The following PSKH1 variants were observed in gnomAD, a reference collection of about 807,000 sequenced individuals.
PSKH1 encodes protein serine kinase H1, also known as serine/threonine-protein kinase H1.
PSKH1 carries 12 observed loss-of-function variants against 26.7 expected under a neutral mutation model. That is an observed-to-expected ratio of 0.45 (90% CI 0.29 to 0.73). PSKH1 has a LOEUF of 0.73. PSKH1 is among the 30% of genes least tolerant of loss of function. The pLI is 0.11. For missense variants in PSKH1, 431 were observed against 595.2 expected (o/e 0.72, Z 2.87); for synonymous variants, 213 against 234.3 (o/e 0.91, Z 0.83).
rs552522999 is a variant in PSKH1, at chr16:67,929,315, C to T, written c.*1673C>T. 2.0e-5 allele frequency: 3 copies of T among 152,436 alleles called. No individual in the cohort carries two copies. Among genetic ancestry groups the T allele is most frequent in the Non-Finnish European group, 2.9e-5 (2 of 68,184 alleles). 9.4% of individuals were successfully genotyped at this position (152,436 alleles called of 1,614,324 possible). On this transcript the variant is annotated 3_prime_UTR_variant, in exon 3 of 3. Transcript: ENST00000291041. ...CCAGTGGGAAACAAAACTAAAGAGA[C>T]CACTCTGTGCCAAGTCGACTATGCC...
chr16:67,924,604 G>A (rs2058211290), intron 2 of PSKH1, among the ~76,000 whole-genome samples: 1 of 152,216 alleles, frequency 6.6e-6, no homozygotes, highest in Non-Finnish European at 1.5e-5. Flanking sequence ...TAGGGGAGTT[G>A]CCCCTCTTTT....
intron 2 of PSKH1, among the ~76,000 whole-genome samples, chr16:67,926,116 C>T (rs1402303467): frequency 2.0e-5 from 3 of 152,070 alleles, no homozygotes; most frequent in African/African-American, 4.8e-5. Context: ...GTGAGGGGAT[C>T]GTTAGCATCC....
At chr16:67,922,644 G>A (rs1254122256) in intron 2 of PSKH1, among the ~76,000 whole-genome samples, 1 of 152,234 alleles carries the variant, frequency 6.6e-6, no homozygotes, top group Non-Finnish European at 1.5e-5. Flanking sequence ...TTATAAACTG[G>A]AAGGGACTTA....
At chr16:67,901,073 G>T (rs892062106) in intron 1 of PSKH1, among the ~76,000 whole-genome samples, 2 of 152,072 alleles carry the variant, frequency 1.3e-5, no homozygotes, top group Non-Finnish European at 2.9e-5. Context: ...TGATCACCTG[G>T]GGGCTGTTGC....
At position 67,909,767 on chromosome 16, in the gene PSKH1, C is replaced by G. The variant is rs763172810; in HGVS notation, c.957+61C>G. On this transcript the variant is annotated intron_variant, in intron 2 of 2. Transcript: ENST00000291041. The surrounding 1 kb of genome is among the most constrained non-coding windows in gnomAD (Gnocchi z 7.8). ...AGGCACCTGCGGGGGCAGGTATATCCTGCAGCTCTCAGTCAGAGGTATGTC... is the reference window on the plus strand; with the variant it reads ...AGGCACCTGCGGGGGCAGGTATATCGTGCAGCTCTCAGTCAGAGGTATGTC... 13 of 1,462,526 alleles carry G rather than the reference C, an allele frequency of 8.9e-6. No individual in the cohort carries two copies. Among genetic ancestry groups the G allele is most frequent in the African/African-American group, 4.2e-5 (3 of 72,082 alleles). The allele number at this position is 1,462,526 out of a possible 1,614,324, so 90.6% of individuals were successfully genotyped here.
chr16:67,907,878 G>A (rs1373789706), intron 1 of PSKH1, among the ~76,000 whole-genome samples: 1 of 152,202 alleles, frequency 6.6e-6, no homozygotes, highest in African/African-American at 2.4e-5. Flanking sequence ...GGAAAGATAT[G>A]CATGAAGGAG....
In PSKH1 at chr16:67,927,512, G is replaced by T; in HGVS notation, c.1145G>T (p.Arg382Leu). The T allele has an allele frequency of 6.2e-7, 1 of 1,614,146 alleles. No homozygotes were observed. The highest frequency in any genetic ancestry group is 8.5e-7 in the Non-Finnish European group (1 of 1,180,046). Reference sequence around the variant, plus strand: ...AACCTCCTTAAACGTGCCTCCTCGCGCTGCCAGAGCACCAAATCTGCCCAG... The same window carrying T: ...AACCTCCTTAAACGTGCCTCCTCGCTCTGCCAGAGCACCAAATCTGCCCAG... ...SQNLLKRASS[R>L]CQSTKSAQST... The change falls in exon 3 of 3, where the codon CGC becomes CTC. Residue 382 changes from arginine (R) to leucine (L), a missense_variant. Arg to Leu is a moderately radical substitution (Grantham distance 102). Coordinates refer to ENST00000291041, the MANE Select transcript of PSKH1 (RefSeq NM_006742.3). The surrounding 1 kb of genome is among the most constrained non-coding windows in gnomAD (Gnocchi z 5.5).
intron 2 of PSKH1, among the ~76,000 whole-genome samples, chr16:67,920,444 G>A (rs981004480): frequency 1.3e-5 from 2 of 152,098 alleles, no homozygotes; most frequent in South Asian, 2.1e-4. Context: ...TAGGTTTCTT[G>A]TAGAGATAGG....
In PSKH1 at chr16:67,927,955, TC is replaced by T; in HGVS notation, c.*314del. The T allele has an allele frequency of 2.5e-6, 1 of 404,322 alleles. No individual in the cohort carries two copies. The highest frequency in any genetic ancestry group is 6.7e-4 in the Middle Eastern group (1 of 1,490). The allele number at this position is 404,322 out of a possible 1,614,324, so 25.0% of individuals were successfully genotyped here. A position where few individuals can be genotyped will look rare whatever the true frequency, so the allele number is the denominator to read the frequency against. ...AAGGGATAGGACCTGGCCTTCACTG[TC>T]TCCCTTGCCCTTTGACTTTTCCCCA... On this transcript the variant is annotated 3_prime_UTR_variant, in exon 3 of 3. Coordinates refer to ENST00000291041, the MANE Select transcript of PSKH1 (RefSeq NM_006742.3). This position sits in a 1 kb window ranked among gnomAD's most constrained non-coding sequence, Gnocchi z 5.5.
chr16:67,927,490 C>T lies in PSKH1; in HGVS notation c.1123C>T (p.Leu375Phe), dbSNP rs141214862. 71 of 1,614,120 alleles carry T rather than the reference C, an allele frequency of 4.4e-5. No individual in the cohort carries two copies. The highest frequency in any genetic ancestry group is 5.6e-5 in the Non-Finnish European group (66 of 1,180,052). ...KNLHRSISQN[L>F]LKRASSRCQS... Reference sequence around the variant, plus strand: ...CCTGCACCGCTCCATATCCCAGAACCTCCTTAAACGTGCCTCCTCGCGCTG... The same window carrying T: ...CCTGCACCGCTCCATATCCCAGAACTTCCTTAAACGTGCCTCCTCGCGCTG... Residue 375 changes from leucine to phenylalanine, a missense_variant, in exon 3 of 3, where the codon CTC becomes TTC. Coordinates refer to ENST00000291041, the MANE Select transcript of PSKH1 (RefSeq NM_006742.3). This position sits in a 1 kb window ranked among gnomAD's most constrained non-coding sequence, Gnocchi z 5.5.
At chr16:67,900,922 A>T (rs1016953774) in intron 1 of PSKH1, among the ~76,000 whole-genome samples, 1 of 152,100 alleles carries the variant, frequency 6.6e-6, no homozygotes, top group Non-Finnish European at 1.5e-5. Flanking sequence ...CACACACAAG[A>T]GATGCTGGGA....
At chr16:67,897,915 T>C (rs1360084533) in intron 1 of PSKH1, among the ~76,000 whole-genome samples, 4 of 152,088 alleles carry the variant, frequency 2.6e-5, no homozygotes, top group Non-Finnish European at 4.4e-5. Context: ...TGGCGCCATC[T>C]TGGCTCATTG....
chr16:67,898,716 C>T (rs931957116), intron 1 of PSKH1, among the ~76,000 whole-genome samples: 5 of 151,538 alleles, frequency 3.3e-5, no homozygotes, highest in Middle Eastern at 3.2e-3. Flanking sequence ...CTCTGCCTTC[C>T]GGGTTCAAGC....
At chr16:67,915,075 C>T (rs1047698479) in intron 2 of PSKH1, among the ~76,000 whole-genome samples, 1 of 152,108 alleles carries the variant, frequency 6.6e-6, no homozygotes, top group African/African-American at 2.4e-5. Flanking sequence ...GGAGTGGGTT[C>T]CTGCCCGCTC....
Position 67,909,215 on chromosome 16 carries a change from A to G in PSKH1, c.466A>G (p.Ile156Val), listed in dbSNP as rs765915108. 3.1e-6 allele frequency: 5 copies of G among 1,613,964 alleles called. No homozygotes were observed. The highest frequency in any genetic ancestry group is 4.2e-6 in the Non-Finnish European group (5 of 1,180,040). Reference protein sequence around the residue: ...VLRRVRHANIIQLVEVFETQE... With the variant: ...VLRRVRHANIVQLVEVFETQE... ...GCGTCGGGTGCGTCATGCCAACATC[A>G]TCCAGCTGGTGGAGGTGTTCGAGAC... Residue 156 changes from isoleucine (I) to valine (V), a missense_variant, in exon 2 of 3, where the codon ATC (isoleucine) becomes GTC (valine). Ile to Val is a conservative substitution (Grantham distance 29). Coordinates refer to ENST00000291041, the MANE Select transcript of PSKH1 (RefSeq NM_006742.3). The surrounding 1 kb of genome is among the most constrained non-coding windows in gnomAD (Gnocchi z 7.8).
In PSKH1 at chr16:67,899,174, T is replaced by A. The variant is rs555252745; in HGVS notation, c.-71+5803T>A. ...ACTTACTTTGGCATTCAGATAAGAA[T>A]CTGTAAAACTCAAACAGACTTCCTT... On this transcript the variant is annotated intron_variant, in intron 1 of 2. Coordinates refer to ENST00000291041, the MANE Select transcript of PSKH1 (RefSeq NM_006742.3). Among the ~76,000 whole-genome samples, 26 of 152,308 alleles carry A rather than the reference T, an allele frequency of 1.7e-4. No homozygotes were observed. In the South Asian group the frequency reaches 5.4e-3, roughly 32 times the overall value.
intron 1 of PSKH1, among the ~76,000 whole-genome samples, chr16:67,897,322 G>C (rs999904644): frequency 1.3e-5 from 2 of 152,212 alleles, no homozygotes; most frequent in Non-Finnish European, 2.9e-5. Context: ...TACTCAAGGA[G>C]CATTAAGCCG....
At chr16:67,916,291 T>C (rs1374515617) in intron 2 of PSKH1, among the ~76,000 whole-genome samples, 1 of 152,074 alleles carries the variant, frequency 6.6e-6, no homozygotes, top group Non-Finnish European at 1.5e-5. Context: ...CTTGGTGCCT[T>C]TCTAGGGGCA....
chr16:67,904,821 ATTTTTTTTTTT>A (rs942779122), intron 1 of PSKH1, among the ~76,000 whole-genome samples: 1 of 115,952 alleles, frequency 8.6e-6, no homozygotes, highest in Non-Finnish European at 1.8e-5. Flanking sequence ...TCCTTTTTTA[ATTTTTTTTTTT>A]TTTTTTTTTT....
Sources: allele counts gnomAD v4.1 joint callset (sites outside exome capture counted in the v4.1 genomes callset), GRCh38; gene constraint gnomAD v4.1.1; non-coding constraint Gnocchi (gnomAD v3.1); transcripts MANE v1.5; gene names NCBI Gene and HGNC (gene_info 2026-07-23, HGNC 2026-07-21).